Variants in FNBP4 observed in about 807,000 individuals in gnomAD.
FNBP4 encodes the protein formin binding protein 4.
Under a neutral mutation model 119.3 loss-of-function variants are expected in FNBP4, and 34 were observed. The observed-to-expected ratio is 0.28, with a 90% CI of 0.22 to 0.38. The LOEUF (loss-of-function observed/expected upper bound fraction) is 0.38, where lower values mean the gene tolerates loss of function less well. Among genes scored for constraint, FNBP4 ranks in the 10% least tolerant of loss-of-function variants. FNBP4 has a pLI of 1.00. For synonymous variants in FNBP4, 462 were observed against 430.6 expected (o/e 1.07, Z -0.90); for missense variants, 1,112 against 1,228.9 (o/e 0.90, Z 1.42).
At chr11:47,731,905 C>T (rs910708172) in intron 11 of FNBP4, 10 of 1,016,356 alleles carry the variant, frequency 9.8e-6, no homozygotes, top group Non-Finnish European at 1.2e-5. Flanking sequence ...ACACTAATTT[C>T]CCTTCCAAAG....
intron 2 of FNBP4, among the ~76,000 whole-genome samples, chr11:47,760,199 GA>G (rs1381706586): frequency 1.3e-5 from 2 of 150,498 alleles, no homozygotes; most frequent in African/African-American, 4.9e-5. Flanking sequence ...CCAAGAAAAT[GA>G]AACTTATTAA....
At chr11:47,753,800 G>GA (rs935523558) in intron 3 of FNBP4, among the ~76,000 whole-genome samples, 6 of 149,210 alleles carry the variant, frequency 4.0e-5, no homozygotes, top group African/African-American at 7.4e-5. Context: ...TCTCGAGGGA[G>GA]AAAAAAAAAA....
chr11:47,752,439 AAC>A (rs1156999521), intron 4 of FNBP4, among the ~76,000 whole-genome samples: 11 of 143,198 alleles, frequency 7.7e-5, no homozygotes, highest in Middle Eastern at 7.2e-3. Context: ...AAAAAAAAAA[AAC>A]AATTAAATAA....
rs1345440787 is a variant in FNBP4, at chr11:47,717,389, CAAT to C, written c.*30_*32del. The C allele has an allele frequency of 1.4e-6, 2 of 1,438,346 alleles. No homozygotes were observed. Among genetic ancestry groups the C allele is most frequent in the Non-Finnish European group, 9.7e-7 (1 of 1,031,168 alleles). 89.1% of individuals were successfully genotyped at this position (1,438,346 alleles called of 1,614,324 possible). ...GACTTTGAACTGAACACAAAACAAA[CAAT>C]AATACAAAAAAGTTTTAAAAACTTA... is the stretch of plus-strand genomic sequence containing the variant. On this transcript the variant is annotated 3_prime_UTR_variant, in exon 17 of 17. Transcript: ENST00000263773.
intron 8 of FNBP4, among the ~76,000 whole-genome samples, chr11:47,741,573 T>C (rs1450059791): frequency 1.3e-5 from 2 of 151,572 alleles, no homozygotes; most frequent in Non-Finnish European, 2.9e-5. Context: ...ATCCCAGCAC[T>C]TTGGGAGGCT....
intron 12 of FNBP4, among the ~76,000 whole-genome samples, chr11:47,728,806 G>A (rs1445808694): frequency 6.6e-6 from 1 of 150,860 alleles, no homozygotes; most frequent in Non-Finnish European, 1.5e-5. Flanking sequence ...TGGAATTACA[G>A]GCATGAGTCA....
chr11:47,745,696 T>G (rs554109004), intron 7 of FNBP4, among the ~76,000 whole-genome samples: 13 of 152,244 alleles, frequency 8.5e-5, no homozygotes, highest in African/African-American at 3.1e-4. Context: ...ACTTGCTGGT[T>G]TGAGGCTCGG....
chr11:47,728,653 C>T (rs2097563914), intron 12 of FNBP4, among the ~76,000 whole-genome samples: 1 of 152,016 alleles, frequency 6.6e-6, no homozygotes, highest in Non-Finnish European at 1.5e-5. Flanking sequence ...CTTCCCACCT[C>T]AGCCTTCCAA....
At chr11:47,745,584 A>C (rs1258933629) in intron 7 of FNBP4, among the ~76,000 whole-genome samples, 5 of 152,058 alleles carry the variant, frequency 3.3e-5, no homozygotes, top group African/African-American at 1.2e-4. Context: ...CAACATGTGC[A>C]CCGCTGAACA....
intron 2 of FNBP4, among the ~76,000 whole-genome samples, chr11:47,756,956 C>A (rs557100895): frequency 6.6e-6 from 1 of 152,028 alleles, no homozygotes; most frequent in Non-Finnish European, 1.5e-5. Flanking sequence ...GATGGACATT[C>A]GGGTTGGTTC....
chr11:47,726,935 A>G (rs1470121074), intron 12 of FNBP4: 2 of 152,336 alleles, frequency 1.3e-5, no homozygotes, highest in African/African-American at 4.8e-5. Context: ...GAGAAGAAAC[A>G]AAGTCTGTAA....
At position 47,758,528 on chromosome 11, in the gene FNBP4, C is replaced by T. The variant is rs76665588; in HGVS notation, c.314-3864G>A. Reference sequence around the variant, plus strand: ...CAAAATATAGGTGTGAGCCACCTCACCTGATCACAATAGTATTTTAAACTG... The same window carrying T: ...CAAAATATAGGTGTGAGCCACCTCATCTGATCACAATAGTATTTTAAACTG... On this transcript the variant is annotated intron_variant, in intron 2 of 16. Transcript: ENST00000263773. Among the ~76,000 whole-genome samples, 601 of 152,174 alleles carry T rather than the reference C, an allele frequency of 3.9e-3. 3 individuals carry two copies. The highest frequency in any genetic ancestry group is 3.8e-3 in the Non-Finnish European group (256 of 67,990).
chr11:47,724,254 C>A lies in FNBP4; in HGVS notation c.2320-82G>T. The A allele has an allele frequency of 3.2e-6, 5 of 1,558,458 alleles. No individual in the cohort carries two copies. The South Asian group carries it at 6.1e-5, about 19-fold the overall frequency. On this transcript the variant is annotated intron_variant, in intron 13 of 16. Coordinates refer to ENST00000263773, the MANE Select transcript of FNBP4 (RefSeq NM_015308.5). ...TCCCACCTCCTTTTTTTGAGACAGGCTCTCATTCTGTTGCACAAGCTGCAG... is the reference window on the plus strand; with the variant it reads ...TCCCACCTCCTTTTTTTGAGACAGGATCTCATTCTGTTGCACAAGCTGCAG...
rs749475153 is a variant in FNBP4 at position 47,723,059 on chromosome 11, G to A, written c.2722C>T (p.Pro908Ser). The change falls in exon 15 of 17, where the codon CCA becomes TCA. Residue 908 changes from proline to serine, a missense_variant. Pro to Ser is a moderately conservative substitution (Grantham distance 74). Around this residue, in one of 2 missense-constraint regions of FNBP4, gnomAD observed 826 missense variants for 988.8 expected, o/e 0.84. Coordinates refer to ENST00000263773, the MANE Select transcript of FNBP4 (RefSeq NM_015308.5). ...PTATIIEPPP[P>S]PPPPPPPPPP... The stretch of plus-strand genomic sequence containing the variant: ...GGTGGAGGAGGAGGAGGAGGAGGTG[G>A]TGGTGGTGGTTCTATAATGGTAGCG... The A allele has an allele frequency of 1.9e-6, 3 of 1,597,930 alleles. No individual in the cohort carries two copies. The highest frequency in any genetic ancestry group is 1.7e-6 in the Non-Finnish European group (2 of 1,172,128).
chr11:47,767,301 C>T lies in FNBP4; in HGVS notation c.-13G>A, dbSNP rs760313108. 5.7e-5 allele frequency: 85 copies of T among 1,491,896 alleles called. No homozygotes were observed. Among genetic ancestry groups the T allele is most frequent in the Non-Finnish European group, 6.5e-5 (73 of 1,127,366 alleles). 92.4% of individuals were successfully genotyped at this position (1,491,896 alleles called of 1,614,324 possible). On this transcript the variant is annotated 5_prime_UTR_variant, in exon 1 of 17. Coordinates refer to ENST00000263773, the MANE Select transcript of FNBP4 (RefSeq NM_015308.5). ...ACTTCTTCCCCATCGCGAGCCCAAGCGCGAGCAGAGAGCGTCGGGCGGCCG... is the reference window on the plus strand; with the variant it reads ...ACTTCTTCCCCATCGCGAGCCCAAGTGCGAGCAGAGAGCGTCGGGCGGCCG...
chr11:47,764,833 C>A (rs754047614), intron 2 of FNBP4, among the ~76,000 whole-genome samples: 1 of 152,106 alleles, frequency 6.6e-6, no homozygotes, highest in African/African-American at 2.4e-5. Context: ...ATGAATTGAA[C>A]CCAGGTTTGT....
intron 12 of FNBP4, among the ~76,000 whole-genome samples, chr11:47,727,353 G>A (rs566846628): frequency 3.3e-5 from 5 of 151,404 alleles, no homozygotes; most frequent in African/African-American, 9.7e-5. Flanking sequence ...AGGTTCAAGC[G>A]ATTCTCCTGC....
intron 1 of FNBP4, among the ~76,000 whole-genome samples, chr11:47,765,573 G>T (rs768081597): frequency 0.011 from 1,202 of 110,910 alleles, 199 homozygotes; most frequent in Non-Finnish European, 0.018. Context: ...AAGACGGGGG[G>T]GGGGGGGGGC....
chr11:47,748,386 T>A (rs1211626741), intron 6 of FNBP4, among the ~76,000 whole-genome samples: 1 of 151,894 alleles, frequency 6.6e-6, no homozygotes, highest in Non-Finnish European at 1.5e-5. Context: ...TAACTGTAAA[T>A]TTAAGTTATT....
Sources: allele counts gnomAD v4.1 joint callset (sites outside exome capture counted in the v4.1 genomes callset), GRCh38; gene constraint gnomAD v4.1.1; regional missense constraint gnomAD v4.1.1; transcripts MANE v1.5; gene names NCBI Gene and HGNC (gene_info 2026-07-23, HGNC 2026-07-21).